Variants in KIRREL3 observed in about 807,000 individuals in gnomAD.
KIRREL3 encodes the protein kin of IRRE-like protein 3.
A neutral mutation model predicts 89.7 loss-of-function variants in KIRREL3; 36 were observed. That is an observed-to-expected ratio of 0.40 (90% confidence interval 0.31 to 0.53). The LOEUF (loss-of-function observed/expected upper bound fraction) is 0.53, where lower values mean the gene tolerates loss of function less well. Among genes scored for constraint, KIRREL3 ranks in the 20% least tolerant of loss-of-function variants. KIRREL3 has a pLI of 0.49. For missense variants in KIRREL3, 864 were observed against 1,056.6 expected, an observed-to-expected ratio of 0.82 and a Z score of 2.53; for synonymous variants, 445 against 441.4, an observed-to-expected ratio of 1.01 and a Z score of -0.10.
intron 1 of KIRREL3, among the ~76,000 whole-genome samples, chr11:126,855,158 A>G (rs1335623986): frequency 6.6e-6 from 1 of 152,192 alleles, no homozygotes; most frequent in Non-Finnish European, 1.5e-5. Context: ...CCTTATTGAT[A>G]TGGTTTGGAT....
intron 1 of KIRREL3, among the ~76,000 whole-genome samples, chr11:126,899,243 G>A (rs1480156710): frequency 6.6e-6 from 1 of 152,148 alleles, no homozygotes; most frequent in Admixed American, 6.5e-5. Context: ...CACCTGGAGA[G>A]GCTGATCAAA....
At position 126,710,524 on chromosome 11, in the gene KIRREL3, G is replaced by T. The variant is rs149558276; in HGVS notation, c.56-147612C>A. On this transcript the variant is annotated intron_variant, in intron 1 of 16. Coordinates refer to ENST00000525144, the MANE Select transcript of KIRREL3 (RefSeq NM_032531.4). The surrounding 1 kb of genome is among the most constrained non-coding windows in gnomAD (Gnocchi z 4.2). ...TACATTCTTTAAAGCTCCAGTTAAC[G>T]TGTATGCAGATGGGAGCTTGGAGGA... Among the ~76,000 whole-genome samples the T allele has an allele frequency of 6.6e-6, 1 of 152,094 alleles. No individual in the cohort carries two copies. The highest frequency in any genetic ancestry group is 2.4e-5 in the African/African-American group (1 of 41,412).
chr11:126,924,316 A>C lies in KIRREL3; in HGVS notation c.55+76139T>G, dbSNP rs1465309467. On this transcript the variant is annotated intron_variant, in intron 1 of 16. Transcript: ENST00000525144. This position sits in a 1 kb window ranked among gnomAD's most constrained non-coding sequence, Gnocchi z 4.7. The stretch of plus-strand genomic sequence containing the variant: ...CAGAGAGTAATCTTTCAAAGCACAA[A>C]TGAGGTCTGTCTCATTCTCTTGCTT... Among the ~76,000 whole-genome samples the C allele has an allele frequency of 6.6e-6, 1 of 152,078 alleles. No homozygotes were observed.
intron 6 of KIRREL3, among the ~76,000 whole-genome samples, chr11:126,456,933 C>A (rs1158983065): frequency 6.6e-6 from 1 of 152,188 alleles, no homozygotes; most frequent in Non-Finnish European, 1.5e-5. Context: ...GCCTAATCAT[C>A]TCCACTCAGT....
intron 1 of KIRREL3, among the ~76,000 whole-genome samples, chr11:126,582,627 A>T (rs1458455483): frequency 1.3e-5 from 2 of 152,140 alleles, no homozygotes; most frequent in East Asian, 3.9e-4. Flanking sequence ...AAGGGGTGAG[A>T]ACTGAGTTCA....
chr11:126,995,102 C>G lies in KIRREL3; in HGVS notation c.55+5353G>C, dbSNP rs529944806. On this transcript the variant is annotated intron_variant, in intron 1 of 16. Transcript: ENST00000525144. The surrounding 1 kb of genome is among the most constrained non-coding windows in gnomAD (Gnocchi z 6.5). Reference sequence around the variant, plus strand: ...CAGGATGAAGCGATTACAACCTGGGCGCAGTATACTGGCTGGCTTTGCTGC... The same window carrying G: ...CAGGATGAAGCGATTACAACCTGGGGGCAGTATACTGGCTGGCTTTGCTGC... 2.8e-5 allele frequency: 12 copies of G among 432,528 alleles called. No individual in the cohort carries two copies. Among genetic ancestry groups the G allele is most frequent in the South Asian group, 1.8e-4 (11 of 60,882 alleles). The allele number at this position is 432,528 out of a possible 1,614,324, so 26.8% of individuals were successfully genotyped here.
At chr11:126,648,154 G>A (rs149116431) in intron 1 of KIRREL3, among the ~76,000 whole-genome samples, 37 of 152,162 alleles carry the variant, frequency 2.4e-4, no homozygotes, top group Non-Finnish European at 4.7e-4. Flanking sequence ...ATCTAATATG[G>A]GCCTACTTCC....
At chr11:126,509,343 G>A (rs958819516) in intron 4 of KIRREL3, among the ~76,000 whole-genome samples, 15 of 152,082 alleles carry the variant, frequency 9.9e-5, no homozygotes, top group African/African-American at 3.1e-4. Context: ...ACTCAATCAC[G>A]TCTCTGCCAC....
chr11:126,562,798 A>G lies in KIRREL3; in HGVS notation c.133+37T>C. On this transcript the variant is annotated intron_variant, in intron 2 of 16. Coordinates refer to ENST00000525144, the MANE Select transcript of KIRREL3 (RefSeq NM_032531.4). The surrounding 1 kb of genome is among the most constrained non-coding windows in gnomAD (Gnocchi z 4.7). ...CTGTAGGGGAGAGCTTCCTCCCTCC[A>G]GATTACTCCCGAGACAATGGGGAGG... 6.4e-7 allele frequency: 1 copy of G among 1,573,114 alleles called. No homozygotes were observed. The highest frequency in any genetic ancestry group is 1.3e-5 in the African/African-American group (1 of 74,238).
At chr11:126,951,358 C>G (rs1159238337) in intron 1 of KIRREL3, among the ~76,000 whole-genome samples, 3 of 152,194 alleles carry the variant, frequency 2.0e-5, no homozygotes, top group Non-Finnish European at 4.4e-5. Flanking sequence ...CTAACTAGAA[C>G]ATATGCTTTA....
intron 1 of KIRREL3, among the ~76,000 whole-genome samples, chr11:126,846,397 T>C (rs193050185): frequency 1.3e-5 from 2 of 152,294 alleles, no homozygotes; most frequent in East Asian, 3.9e-4. Flanking sequence ...ATTAATTCGT[T>C]TAAAAATAAT....
At chr11:126,461,688 C>G (rs1956548528) in intron 6 of KIRREL3, among the ~76,000 whole-genome samples, 1 of 152,152 alleles carries the variant, frequency 6.6e-6, no homozygotes, top group Non-Finnish European at 1.5e-5. Context: ...ATTCTAGACA[C>G]TGGCTGGGAA....
At position 126,642,133 on chromosome 11, in the gene KIRREL3, A is replaced by G. The variant is rs989619760; in HGVS notation, c.56-79221T>C. Among the ~76,000 whole-genome samples, 1 of 152,112 alleles carries G rather than the reference A, an allele frequency of 6.6e-6. No individual in the cohort carries two copies. Among genetic ancestry groups the G allele is most frequent in the African/African-American group, 2.4e-5 (1 of 41,426 alleles). ...TGGAAAGGGTGGATCTCCATAACCC[A>G]TGGGAGGGGAGGGACCTCCAACAAT... On this transcript the variant is annotated intron_variant, in intron 1 of 16. Coordinates refer to ENST00000525144, the MANE Select transcript of KIRREL3 (RefSeq NM_032531.4). The surrounding 1 kb of genome is among the most constrained non-coding windows in gnomAD (Gnocchi z 4.9).
chr11:126,718,842 G>A (rs1359410380), intron 1 of KIRREL3, among the ~76,000 whole-genome samples: 1 of 152,108 alleles, frequency 6.6e-6, no homozygotes, highest in African/African-American at 2.4e-5. Flanking sequence ...ATACGATACA[G>A]GGGGCCTCAC....
In KIRREL3 at chr11:126,739,495, G is replaced by T. The variant is rs963482382; in HGVS notation, c.56-176583C>A. Among the ~76,000 whole-genome samples the T allele has an allele frequency of 6.6e-6, 1 of 152,200 alleles. No homozygotes were observed. Among genetic ancestry groups the T allele is most frequent in the Non-Finnish European group, 1.5e-5 (1 of 68,028 alleles). ...AGTCAGTGTGCCAGGTGCAGGTAGCGTCATGTGCCCTACCTGGGTCTTAAG... is the reference window on the plus strand; with the variant it reads ...AGTCAGTGTGCCAGGTGCAGGTAGCTTCATGTGCCCTACCTGGGTCTTAAG... On this transcript the variant is annotated intron_variant, in intron 1 of 16. Coordinates refer to ENST00000525144, the MANE Select transcript of KIRREL3 (RefSeq NM_032531.4). This position sits in a 1 kb window ranked among gnomAD's most constrained non-coding sequence, Gnocchi z 5.5.
chr11:126,560,112 A>G (rs1020908712), intron 2 of KIRREL3, among the ~76,000 whole-genome samples: 1 of 152,236 alleles, frequency 6.6e-6, no homozygotes, highest in East Asian at 1.9e-4. Flanking sequence ...GTTCCTATAT[A>G]AAGCACATGT....
chr11:126,584,188 C>T lies in KIRREL3; in HGVS notation c.56-21276G>A, dbSNP rs11220546. Among the ~76,000 whole-genome samples, 847 of 152,270 alleles carry T rather than the reference C, an allele frequency of 5.6e-3. 14 individuals are homozygous for T. In the East Asian group the frequency reaches 0.059, roughly 11 times the overall value. ...CGATGAATTCTGCAGGCGTGGGCTG[C>T]GTGCTTGAGAAGGAAAACAGACATC... On this transcript the variant is annotated intron_variant, in intron 1 of 16. Coordinates refer to ENST00000525144, the MANE Select transcript of KIRREL3 (RefSeq NM_032531.4).
chr11:126,680,205 T>TAC (rs1946385215), intron 1 of KIRREL3, among the ~76,000 whole-genome samples: 1 of 152,186 alleles, frequency 6.6e-6, no homozygotes, highest in Non-Finnish European at 1.5e-5. Flanking sequence ...ATCGGTTGCT[T>TAC]TCATGACCAG....
At position 126,537,220 on chromosome 11, in the gene KIRREL3, G is replaced by A. The variant is rs1436481496; in HGVS notation, c.134-10533C>T. ...GACACATGCACACACCCGCCTGCAT[G>A]CCTGTGAGTGTGGGCAGCCCAGCTG... On this transcript the variant is annotated intron_variant, in intron 2 of 16. Transcript: ENST00000525144. The surrounding 1 kb of genome is among the most constrained non-coding windows in gnomAD (Gnocchi z 4.3). 6.6e-6 allele frequency among the ~76,000 whole-genome samples: 1 copy of A among 152,158 alleles called. No individual in the cohort carries two copies. Among genetic ancestry groups the A allele is most frequent in the Non-Finnish European group, 1.5e-5 (1 of 68,034 alleles).
Sources: gnomAD v4.1 joint callset for allele counts (sites outside exome capture counted in the v4.1 genomes callset) on GRCh38, gnomAD v4.1.1 for gene constraint, Gnocchi (gnomAD v3.1) non-coding constraint, MANE v1.5 for transcripts, NCBI Gene and HGNC (gene_info 2026-07-23, HGNC 2026-07-21) for gene names.